Variants in NALF1 observed in about 807,000 individuals in gnomAD.
The protein encoded by NALF1 is family with sequence similarity 155 member A.
NALF1 carries 3 observed loss-of-function variants against 48.4 expected under a neutral mutation model. The observed-to-expected ratio is 0.06, with a 90% CI of 0.03 to 0.16. The LOEUF is 0.16. Among genes scored for constraint, NALF1 ranks in the 10% least tolerant of loss-of-function variants. The probability of loss-of-function intolerance (pLI) is 1.00; values close to 1 mark genes in which losing one functional copy is unlikely to be tolerated. For missense variants in NALF1, 526 were observed against 571.5 expected (o/e 0.92, Z 0.81); for synonymous variants, 262 against 245.7 (o/e 1.07, Z -0.62).
At chr13:107,246,666 C>G (rs1456797793) in intron 1 of NALF1, among the ~76,000 whole-genome samples, 1 of 152,082 alleles carries the variant, frequency 6.6e-6, no homozygotes, top group Non-Finnish European at 1.5e-5. Flanking sequence ...ATGATTCTGC[C>G]AGAGCTTTTT....
In NALF1 at chr13:107,362,202, G is replaced by A. The variant is rs1415478353; in HGVS notation, c.916-151447C>T. Among the ~76,000 whole-genome samples the A allele has an allele frequency of 6.6e-6, 1 of 152,114 alleles. No individual in the cohort carries two copies. The highest frequency in any genetic ancestry group is 1.5e-5 in the Non-Finnish European group (1 of 68,014). On this transcript the variant is annotated intron_variant, in intron 1 of 2. Transcript: ENST00000375915. This position sits in a 1 kb window ranked among gnomAD's most constrained non-coding sequence, Gnocchi z 4.6. ...CAAATGACAAGGTTACCTGATGGTGGGGAAAAACGGGGTCAGGTGACAGCT... is the reference window on the plus strand; with the variant it reads ...CAAATGACAAGGTTACCTGATGGTGAGGAAAAACGGGGTCAGGTGACAGCT...
chr13:107,639,233 TC>T (rs1426148784), intron 1 of NALF1, among the ~76,000 whole-genome samples: 3 of 152,160 alleles, frequency 2.0e-5, no homozygotes, highest in Admixed American at 6.5e-5. Flanking sequence ...CTAATGCCAT[TC>T]CCCTCTGCTC....
rs905269114 is a variant in NALF1 at position 107,248,646 on chromosome 13, G to A, written c.916-37891C>T. 2.7e-5 allele frequency among the ~76,000 whole-genome samples: 4 copies of A among 150,160 alleles called. No individual in the cohort carries two copies. The Admixed American group carries it at 2.7e-4, about 10-fold the overall frequency. ...TTCAAATGTAAAATTCAGTTCCTCAGTTGTACCAGCCACATTTCAAATTTT... is the reference window on the plus strand; with the variant it reads ...TTCAAATGTAAAATTCAGTTCCTCAATTGTACCAGCCACATTTCAAATTTT... On this transcript the variant is annotated intron_variant, in intron 1 of 2. Transcript: ENST00000375915.
At chr13:107,221,105 C>A (rs535048847) in intron 1 of NALF1, among the ~76,000 whole-genome samples, 1 of 152,032 alleles carries the variant, frequency 6.6e-6, no homozygotes, top group African/African-American at 2.4e-5. Flanking sequence ...CAGGGTGATA[C>A]AACAGACAGT....
intron 1 of NALF1, among the ~76,000 whole-genome samples, chr13:107,611,011 A>G (rs1488280987): frequency 6.6e-6 from 1 of 152,216 alleles, no homozygotes; most frequent in East Asian, 1.9e-4. Context: ...GAGAGAAAGA[A>G]GTAGAGGACA....
rs148205459 is a variant in NALF1 at position 107,408,313 on chromosome 13, C to T, written c.916-197558G>A. ...TTATTTGTAATCCAAAGGACAAATG[C>T]TTATGGTTATGTATACCCATTTACC... is the stretch of plus-strand genomic sequence containing the variant. On this transcript the variant is annotated intron_variant, in intron 1 of 2. Transcript: ENST00000375915. 6.2e-3 allele frequency among the ~76,000 whole-genome samples: 945 copies of T among 152,018 alleles called. 14 individuals carry two copies. The highest frequency in any genetic ancestry group is 5.1e-3 in the Non-Finnish European group (345 of 67,920).
At chr13:107,265,399 G>A (rs1179603532) in intron 1 of NALF1, among the ~76,000 whole-genome samples, 1 of 151,974 alleles carries the variant, frequency 6.6e-6, no homozygotes, top group Non-Finnish European at 1.5e-5. Context: ...CAATTTTAAG[G>A]CATGCTGTAG....
chr13:107,508,074 C>T (rs1875760835), intron 1 of NALF1, among the ~76,000 whole-genome samples: 1 of 152,070 alleles, frequency 6.6e-6, no homozygotes, highest in Non-Finnish European at 1.5e-5. Context: ...CTTTTGACAA[C>T]TGGAAATATT....
chr13:107,399,534 G>A (rs1350484540), intron 1 of NALF1, among the ~76,000 whole-genome samples: 1 of 152,012 alleles, frequency 6.6e-6, no homozygotes, highest in East Asian at 1.9e-4. Context: ...GGCTCTGCTC[G>A]TGTCCTCCTC....
intron 1 of NALF1, among the ~76,000 whole-genome samples, chr13:107,749,732 T>C (rs987369048): frequency 1.3e-5 from 2 of 152,156 alleles, no homozygotes; most frequent in African/African-American, 4.8e-5. Context: ...AAGGTAAATA[T>C]AGTCGTAGCA....
intron 1 of NALF1, among the ~76,000 whole-genome samples, chr13:107,835,666 C>G (rs1879868423): frequency 6.6e-6 from 1 of 152,112 alleles, no homozygotes; most frequent in Non-Finnish European, 1.5e-5. Flanking sequence ...TAGTTAATAA[C>G]CACATTTCTG....
rs1594138472 is a variant in NALF1, at chr13:107,576,673, T to C, written c.915+289009A>G. Among the ~76,000 whole-genome samples, 4 of 152,282 alleles carry C rather than the reference T, an allele frequency of 2.6e-5. No individual in the cohort carries two copies. In the South Asian group the frequency reaches 8.3e-4, roughly 32 times the overall value. ...GGAAGGCTTCATGATCTGGACTCTG[T>C]GAAATTCGGTAGAATCAGCCAGACA... On this transcript the variant is annotated intron_variant, in intron 1 of 2. Coordinates refer to ENST00000375915, the MANE Select transcript of NALF1 (RefSeq NM_001080396.3).
chr13:107,667,115 T>A (rs1880879549), intron 1 of NALF1, among the ~76,000 whole-genome samples: 1 of 152,024 alleles, frequency 6.6e-6, no homozygotes, highest in African/African-American at 2.4e-5. Context: ...TGATCCCAAT[T>A]CTCCTTCCAC....
intron 1 of NALF1, among the ~76,000 whole-genome samples, chr13:107,275,975 T>TG (rs1434665623): frequency 6.6e-6 from 1 of 152,080 alleles, no homozygotes; most frequent in African/African-American, 2.4e-5. Flanking sequence ...GCTGCTCAAC[T>TG]GGGGGGTCTC....
At chr13:107,427,828 C>T (rs1395938247) in intron 1 of NALF1, among the ~76,000 whole-genome samples, 2 of 152,042 alleles carry the variant, frequency 1.3e-5, no homozygotes, top group Non-Finnish European at 2.9e-5. Context: ...AATATGAAGC[C>T]TCCATCTAAA....
At chr13:107,627,291 T>C (rs979814313) in intron 1 of NALF1, among the ~76,000 whole-genome samples, 1 of 152,056 alleles carries the variant, frequency 6.6e-6, no homozygotes, top group African/African-American at 2.4e-5. Context: ...CCTTGTGAGA[T>C]TAAGCACTAC....
At chr13:107,242,749 G>C (rs1880502406) in intron 1 of NALF1, among the ~76,000 whole-genome samples, 1 of 152,100 alleles carries the variant, frequency 6.6e-6, no homozygotes, top group Non-Finnish European at 1.5e-5. Flanking sequence ...CTTTAGGTGA[G>C]AGACAAGTTC....
At chr13:107,782,582 G>A (rs370184409) in intron 1 of NALF1, among the ~76,000 whole-genome samples, 11 of 150,534 alleles carry the variant, frequency 7.3e-5, no homozygotes, top group African/African-American at 2.4e-4. Flanking sequence ...GTCTCTGCCC[G>A]GCTGCCATCC....
intron 1 of NALF1, among the ~76,000 whole-genome samples, chr13:107,537,745 T>C (rs915891118): frequency 2.6e-5 from 4 of 152,084 alleles, no homozygotes; most frequent in African/African-American, 9.7e-5. Flanking sequence ...CAGATGGGCA[T>C]GGTGGCTCAT....
Sources: gnomAD v4.1 joint callset for allele counts (sites outside exome capture counted in the v4.1 genomes callset) on GRCh38, gnomAD v4.1.1 for gene constraint, Gnocchi (gnomAD v3.1) non-coding constraint, MANE v1.5 for transcripts, NCBI Gene and HGNC (gene_info 2026-07-23, HGNC 2026-07-21) for gene names.